Variants in AEN observed in about 807,000 individuals in gnomAD.
The protein encoded by AEN is apoptosis-enhancing nuclease.
Under a neutral mutation model 17.7 loss-of-function variants are expected in AEN, and 21 were observed. That is an observed-to-expected ratio of 1.19 (90% CI 0.84 to 1.71). AEN has a LOEUF of 1.71. Ranked by LOEUF, AEN falls within the 40% of genes most tolerant of loss-of-function variation. AEN has a pLI of 0.00. For synonymous variants in AEN, 190 were observed against 173.0 expected, an observed-to-expected ratio of 1.10 and a Z score of -0.77; for missense variants, 462 against 435.9, an observed-to-expected ratio of 1.06 and a Z score of -0.53.
intron 2 of AEN, chr15:88,629,017 A>G (rs2057890264): frequency 1.7e-6 from 1 of 584,794 alleles, no homozygotes; most frequent in Admixed American, 3.1e-5. Context: ...TGCAGAAGAC[A>G]TAGGTATGCC....
chr15:88,621,777 C>G (rs911141185), intron 1 of AEN: 19 of 152,204 alleles, frequency 1.2e-4, no homozygotes, highest in African/African-American at 4.3e-4. Context: ...TTTAGCAGCA[C>G]AGGGGACCTT....
intron 1 of AEN, among the ~76,000 whole-genome samples, chr15:88,622,265 TTG>T (rs1315560238): frequency 2.0e-5 from 3 of 152,308 alleles, no homozygotes; most frequent in Admixed American, 1.3e-4. Flanking sequence ...AGAGAAAGGC[TTG>T]TGTTTGTCCT....
At chr15:88,629,503 T>TGG in intron 3 of AEN, 77 bp downstream of exon 3, 1 of 1,523,882 alleles carries the variant, frequency 6.6e-7, no homozygotes. Context: ...GACAAGGCTT[T>TGG]GGGCTGTGTC....
chr15:88,613,899 A>G, the AEN span, among the ~76,000 whole-genome samples: 1 of 152,154 alleles, frequency 6.6e-6, no homozygotes, highest in Non-Finnish European at 1.5e-5. Context: ...CATAGTTTTC[A>G]TGGTTGTCCT....
At chr15:88,627,054 T>A in intron 2 of AEN, 2 of 340,216 alleles carry the variant, frequency 5.9e-6, no homozygotes, top group Non-Finnish European at 1.1e-5. Flanking sequence ...CGCATTGATA[T>A]AAAATTTGTA....
the AEN span, among the ~76,000 whole-genome samples, chr15:88,613,337 A>G: frequency 8.6e-5 from 13 of 151,964 alleles, 1 homozygote; most frequent in South Asian, 2.7e-3. Flanking sequence ...TTTACTCCTA[A>G]CCCTGCCTGA....
Position 88,630,252 on chromosome 15 carries a change from C to A in AEN, c.936C>A (p.Gly312=). 3 of 1,596,836 alleles carry A rather than the reference C, an allele frequency of 1.9e-6. No individual in the cohort carries two copies. The highest frequency in any genetic ancestry group is 2.6e-6 in the Non-Finnish European group (3 of 1,172,224). ...DQYWPDDLAH[G]SRGGAREAQD... is the part of the protein sequence containing the mutation. The stretch of plus-strand genomic sequence containing the variant: ...ACTGGCCCGATGACCTGGCCCACGG[C>A]AGCAGAGGAGGAGCCAGGGAGGCAC... The change falls in exon 4 of 4, where the codon GGC becomes GGA. Residue 312 remains glycine, a synonymous_variant. Transcript: ENST00000332810. The surrounding 1 kb of genome is among the most constrained non-coding windows in gnomAD (Gnocchi z 5.1).
chr15:88,623,993 C>T (rs998110017), intron 1 of AEN, among the ~76,000 whole-genome samples: 1 of 152,254 alleles, frequency 6.6e-6, no homozygotes, highest in Non-Finnish European at 1.5e-5. Flanking sequence ...TGATTCTTCT[C>T]CCTTCTACCT....
chr15:88,626,666 A>G lies in AEN; in HGVS notation c.457A>G (p.Ile153Val), dbSNP rs1309417704. The G allele has an allele frequency of 6.2e-6, 10 of 1,613,822 alleles. No homozygotes were observed. Among genetic ancestry groups the G allele is most frequent in the Middle Eastern group, 1.6e-4 (1 of 6,084 alleles). Residue 153 changes from isoleucine to valine, a missense_variant, in exon 2 of 4, where the codon ATC becomes GTC. Coordinates refer to ENST00000332810, the MANE Select transcript of AEN (RefSeq NM_022767.4). Reference sequence around the variant, plus strand: ...CAAGTACATCAGGCCTGAGATGCCCATCGCTGACTACCGTACCCGCTGGAG... The same window carrying G: ...CAAGTACATCAGGCCTGAGATGCCCGTCGCTGACTACCGTACCCGCTGGAG... ...YDKYIRPEMP[I>V]ADYRTRWSGI...
At chr15:88,619,777 C>A (rs1476278858), upstream of AEN, among the ~76,000 whole-genome samples, 1 of 152,064 alleles carries the variant, frequency 6.6e-6, no homozygotes, top group African/African-American at 2.4e-5. Flanking sequence ...TGTCCTATAA[C>A]CCCTTCCCCT....
At chr15:88,627,459 C>CTTTTTT (rs11371024) in intron 2 of AEN, 5 of 141,124 alleles carry the variant, frequency 3.5e-5, no homozygotes, top group Non-Finnish European at 4.6e-5. Flanking sequence ...CATCTTGTTT[C>CTTTTTT]TTTTTTTTTT....
the AEN span, among the ~76,000 whole-genome samples, chr15:88,609,670 A>T: frequency 0.012 from 1,856 of 152,256 alleles, 26 homozygotes; most frequent in African/African-American, 0.042. Context: ...TTCAAAATAT[A>T]TTTCTTTGAG....
At chr15:88,605,543 A>G in the AEN span, among the ~76,000 whole-genome samples, 1 of 152,220 alleles carries the variant, frequency 6.6e-6, no homozygotes, top group Non-Finnish European at 1.5e-5. This position sits in a 1 kb window ranked among gnomAD's most constrained non-coding sequence, Gnocchi z 7.6. Flanking sequence ...CCACTGGGTA[A>G]TCGCCCCAGT....
chr15:88,616,958 G>T (rs1381598483), upstream of AEN, among the ~76,000 whole-genome samples: 1 of 152,112 alleles, frequency 6.6e-6, no homozygotes, highest in African/African-American at 2.4e-5. Flanking sequence ...AATTATAGTG[G>T]GTTTATCCGG....
chr15:88,630,219 G>A lies in AEN; in HGVS notation c.903G>A (p.Glu301=), dbSNP rs987989052. The A allele has an allele frequency of 1.9e-6, 3 of 1,608,924 alleles. No individual in the cohort carries two copies. Among genetic ancestry groups the A allele is most frequent in the Non-Finnish European group, 2.5e-6 (3 of 1,177,804 alleles). ...DSSTDMEQYM[E]DQYWPDDLAH... ...GCACAGACATGGAACAGTACATGGA[G>A]GACCAGTACTGGCCCGATGACCTGG... is the stretch of plus-strand genomic sequence containing the variant. Residue 301 remains glutamate, a synonymous_variant, in exon 4 of 4, where the codon GAG becomes GAA. Coordinates refer to ENST00000332810, the MANE Select transcript of AEN (RefSeq NM_022767.4). This position sits in a 1 kb window ranked among gnomAD's most constrained non-coding sequence, Gnocchi z 5.1.
chr15:88,616,701 C>A (rs1219063549), upstream of AEN, among the ~76,000 whole-genome samples: 1 of 152,196 alleles, frequency 6.6e-6, no homozygotes, highest in African/African-American at 2.4e-5. Context: ...TTCAACTTTA[C>A]AATAGTGCAA....
chr15:88,618,513 T>G (rs1297258506), upstream of AEN, among the ~76,000 whole-genome samples: 1 of 152,226 alleles, frequency 6.6e-6, no homozygotes, highest in African/African-American at 2.4e-5. Flanking sequence ...GAGAGAATCT[T>G]TAAACATACA....
At position 88,630,228 on chromosome 15, in the gene AEN, C is replaced by T; in HGVS notation, c.912C>T (p.Tyr304=). The T allele has an allele frequency of 1.2e-6, 2 of 1,605,874 alleles. No homozygotes were observed. The highest frequency in any genetic ancestry group is 1.1e-5 in the South Asian group (1 of 89,850). ...TGGAACAGTACATGGAGGACCAGTACTGGCCCGATGACCTGGCCCACGGCA... is the reference window on the plus strand; with the variant it reads ...TGGAACAGTACATGGAGGACCAGTATTGGCCCGATGACCTGGCCCACGGCA... ...TDMEQYMEDQ[Y]WPDDLAHGSR... is the part of the protein sequence containing the mutation. Residue 304 remains tyrosine (Y), a synonymous_variant, in exon 4 of 4, where the codon TAC becomes TAT. Coordinates refer to ENST00000332810, the MANE Select transcript of AEN (RefSeq NM_022767.4). The surrounding 1 kb of genome is among the most constrained non-coding windows in gnomAD (Gnocchi z 5.1).
intron 2 of AEN, 131 bp downstream of exon 2, chr15:88,626,880 A>T: frequency 1.0e-6 from 1 of 995,442 alleles, no homozygotes; most frequent in Non-Finnish European, 1.5e-6. Context: ...TCCAAACAGT[A>T]GGTTCCTTCT....
Sources: gnomAD v4.1 joint callset for allele counts (sites outside exome capture counted in the v4.1 genomes callset) on GRCh38, gnomAD v4.1.1 for gene constraint, Gnocchi (gnomAD v3.1) non-coding constraint, MANE v1.5 for transcripts, NCBI Gene and HGNC (gene_info 2026-07-23, HGNC 2026-07-21) for gene names.